NTN4: variants seen among roughly 807,000 people sequenced by gnomAD.
NTN4 encodes netrin-4.
A neutral mutation model predicts 73.6 loss-of-function variants in NTN4; 32 were observed. That is an observed-to-expected ratio of 0.44 (90% CI 0.33 to 0.58). The LOEUF is 0.58. NTN4 is among the 20% of genes least tolerant of loss of function. The probability of loss-of-function intolerance (pLI) is 0.04; values close to 1 mark genes in which losing one functional copy is unlikely to be tolerated. For missense variants in NTN4, 654 were observed against 798.3 expected, an observed-to-expected ratio of 0.82 and a Z score of 2.18; for synonymous variants, 258 against 287.5, an observed-to-expected ratio of 0.90 and a Z score of 1.04.
At chr12:95,693,708 G>A (rs957419764) in intron 5 of NTN4, among the ~76,000 whole-genome samples, 1 of 149,468 alleles carries the variant, frequency 6.7e-6, no homozygotes, top group African/African-American at 2.5e-5. Flanking sequence ...TCCAGCCTGG[G>A]TGATAGAGCA....
At chr12:95,669,845 T>C (rs1331894689) in intron 8 of NTN4, among the ~76,000 whole-genome samples, 1 of 152,246 alleles carries the variant, frequency 6.6e-6, no homozygotes, top group Non-Finnish European at 1.5e-5. Context: ...TATGGTATAA[T>C]AACTCTACCT....
intron 3 of NTN4, among the ~76,000 whole-genome samples, chr12:95,724,803 T>A (rs932004063): frequency 2.6e-5 from 4 of 152,186 alleles, no homozygotes; most frequent in African/African-American, 9.6e-5. Flanking sequence ...ACTAAGACAG[T>A]AGCTACATAG....
Position 95,764,077 on chromosome 12 carries a change from G to A in NTN4, c.585+22862C>T, listed in dbSNP as rs546304978. ...TGTCATTGCATCATTTAGTTCATAAGAAAATAATATTTCTGGTTACATGCC... is the reference window on the plus strand; with the variant it reads ...TGTCATTGCATCATTTAGTTCATAAAAAAATAATATTTCTGGTTACATGCC... On this transcript the variant is annotated intron_variant, in intron 2 of 9. Transcript: ENST00000343702. 1.8e-3 allele frequency among the ~76,000 whole-genome samples: 278 copies of A among 152,278 alleles called. 1 individual carries two copies. Among genetic ancestry groups the A allele is most frequent in the African/African-American group, 6.4e-3 (265 of 41,548 alleles).
At chr12:95,672,629 G>A (rs1051795708) in intron 7 of NTN4, 15 of 1,522,716 alleles carry the variant, frequency 9.9e-6, no homozygotes, top group African/African-American at 1.4e-5. Context: ...AAAGCATGGT[G>A]AGGCCCAGGT....
In NTN4 at chr12:95,729,640, T is replaced by G. The variant is rs867675886; in HGVS notation, c.864+8226A>C. Among the ~76,000 whole-genome samples, 72 of 136,408 alleles carry G rather than the reference T, an allele frequency of 5.3e-4. No homozygotes were observed. The South Asian group carries it at 6.7e-3, about 13-fold the overall frequency. 89.5% of individuals were successfully genotyped at this position (136,408 alleles called of 152,430 possible). On this transcript the variant is annotated intron_variant, in intron 3 of 9. Coordinates refer to ENST00000343702, the MANE Select transcript of NTN4 (RefSeq NM_021229.4). ...GAGAGAGAGAGAGAGAGAGTGTGTG[T>G]GTGTGTGTGTGTGTGTGTGTGTGTG...
intron 2 of NTN4, among the ~76,000 whole-genome samples, chr12:95,751,392 C>T (rs1192551601): frequency 1.3e-5 from 2 of 151,664 alleles, no homozygotes; most frequent in African/African-American, 2.4e-5. Flanking sequence ...AACTTCCAAA[C>T]GCCTGAACCG....
chr12:95,672,856 G>A lies in NTN4; in HGVS notation c.1511-2710C>T, dbSNP rs956032525. ...GGAAGGGAAATGGGTACTGATTGCA[G>A]CCCATGGCAACAGCCTCCGGGGCAT... On this transcript the variant is annotated intron_variant, in intron 7 of 9. Coordinates refer to ENST00000343702, the MANE Select transcript of NTN4 (RefSeq NM_021229.4). The A allele has an allele frequency of 3.6e-6, 5 of 1,384,114 alleles. No individual in the cohort carries two copies. In the African/African-American group the frequency reaches 4.3e-5, roughly 12 times the overall value. The allele number at this position is 1,384,114 out of a possible 1,614,324, so 85.7% of individuals were successfully genotyped here.
chr12:95,781,253 G>A lies in NTN4; in HGVS notation c.585+5686C>T, dbSNP rs2079131175. ...ACCAGCATGGCACATGTATACATAT[G>A]TAACAAACCTGCACGTTGTGCACAT... On this transcript the variant is annotated intron_variant, in intron 2 of 9. Transcript: ENST00000343702. This position sits in a 1 kb window ranked among gnomAD's most constrained non-coding sequence, Gnocchi z 4.1. 6.6e-6 allele frequency among the ~76,000 whole-genome samples: 1 copy of A among 152,134 alleles called. No homozygotes were observed. Among genetic ancestry groups the A allele is most frequent in the South Asian group, 2.1e-4 (1 of 4,824 alleles).
chr12:95,703,790 T>C (rs2078503739), intron 5 of NTN4, among the ~76,000 whole-genome samples: 1 of 152,214 alleles, frequency 6.6e-6, no homozygotes, highest in African/African-American at 2.4e-5. Context: ...TAAGCCTATA[T>C]GCACACAAAT....
chr12:95,664,218 T>A (rs902735128), intron 9 of NTN4, among the ~76,000 whole-genome samples: 4 of 152,032 alleles, frequency 2.6e-5, no homozygotes, highest in African/African-American at 9.7e-5. Context: ...CACACCCAGC[T>A]AATTATTTAA....
intron 2 of NTN4, among the ~76,000 whole-genome samples, chr12:95,752,821 C>T (rs1414860292): frequency 9.2e-5 from 14 of 152,170 alleles, no homozygotes; most frequent in African/African-American, 2.2e-4. Flanking sequence ...CAGCGGCTGC[C>T]GCTGCTTTAA....
intron 7 of NTN4, among the ~76,000 whole-genome samples, chr12:95,676,082 T>C (rs10859923): frequency 0.4 from 61,390 of 152,006 alleles, 12,380 homozygotes; most frequent in East Asian, 0.56. Flanking sequence ...AGATTAGAGA[T>C]AATCAGTAAA....
At chr12:95,737,299 G>A (rs1013024100) in intron 3 of NTN4, among the ~76,000 whole-genome samples, 1 of 152,176 alleles carries the variant, frequency 6.6e-6, no homozygotes, top group African/African-American at 2.4e-5. Flanking sequence ...GTTCCTCAGA[G>A]AGTTCGTGGT....
intron 3 of NTN4, among the ~76,000 whole-genome samples, chr12:95,713,955 G>A (rs907831669): frequency 1.3e-5 from 2 of 151,974 alleles, no homozygotes; most frequent in Non-Finnish European, 1.5e-5. Flanking sequence ...GAATATCATT[G>A]TAGCTAAGTA....
Position 95,659,181 on chromosome 12 carries a change from C to G in NTN4, c.1792G>C (p.Gly598Arg). The G allele has an allele frequency of 1.2e-6, 2 of 1,613,798 alleles. No individual in the cohort carries two copies. The highest frequency in any genetic ancestry group is 1.7e-6 in the Non-Finnish European group (2 of 1,179,836). The change falls in exon 10 of 10, where the codon GGC (glycine) becomes CGC (arginine). Residue 598 changes from glycine to arginine, a missense_variant. Transcript: ENST00000343702. ...LVAGHEDIRT[G>R]KLIVNMKSFV... The stretch of plus-strand genomic sequence containing the variant: ...CTTTTCATATTCACAATTAGTTTGC[C>G]TGTTCTTATATCCTCATGTCCTGCT...
intron 5 of NTN4, among the ~76,000 whole-genome samples, chr12:95,690,937 A>G (rs769863292): frequency 6.6e-6 from 1 of 152,130 alleles, no homozygotes; most frequent in Non-Finnish European, 1.5e-5. Context: ...TAAAAGCTAC[A>G]CTCATTTCAG....
At chr12:95,710,700 T>C in intron 4 of NTN4, 71 bp from the exon 5 acceptor site, 3 of 1,422,228 alleles carry the variant, frequency 2.1e-6, no homozygotes, top group Admixed American at 1.9e-5. Context: ...CATATTCAGA[T>C]AGGTAAAAAT....
chr12:95,684,803 T>C (rs964406602), intron 5 of NTN4, among the ~76,000 whole-genome samples: 2 of 152,230 alleles, frequency 1.3e-5, no homozygotes, highest in African/African-American at 4.8e-5. Flanking sequence ...GTGTGAAATG[T>C]GCTTTCTGGG....
intron 3 of NTN4, among the ~76,000 whole-genome samples, chr12:95,732,548 C>T (rs949285288): frequency 1.3e-5 from 2 of 151,962 alleles, no homozygotes; most frequent in Non-Finnish European, 1.5e-5. Flanking sequence ...GGACTATAGG[C>T]GCGTGCCACC....
Sources: gnomAD v4.1 joint callset for allele counts (sites outside exome capture counted in the v4.1 genomes callset) on GRCh38, gnomAD v4.1.1 for gene constraint, Gnocchi (gnomAD v3.1) non-coding constraint, MANE v1.5 for transcripts, NCBI Gene and HGNC (gene_info 2026-07-23, HGNC 2026-07-21) for gene names.